RNF6: variants seen among roughly 807,000 people sequenced by gnomAD.
RNF6 encodes the protein E3 ubiquitin-protein ligase RNF6.
A neutral mutation model predicts 50.1 loss-of-function variants in RNF6; 21 were observed. That is an observed-to-expected ratio of 0.42 (90% CI 0.30 to 0.60). The LOEUF (loss-of-function observed/expected upper bound fraction) is 0.60. Ranked by LOEUF, RNF6 falls within the 20% of genes least tolerant of loss-of-function variation. The probability of loss-of-function intolerance (pLI) is 0.20; values close to 1 mark genes in which losing one functional copy is unlikely to be tolerated. For synonymous variants in RNF6, 255 were observed against 291.8 expected (o/e 0.87, Z 1.29); for missense variants, 698 against 838.2 (o/e 0.83, Z 2.07).
At chr13:26,187,777 G>T (rs1386773860) in intron 5 of RNF6, among the ~76,000 whole-genome samples, 2 of 152,174 alleles carry the variant, frequency 1.3e-5, no homozygotes, top group African/African-American at 4.8e-5. Flanking sequence ...AGGATGGAGT[G>T]CAGTGGTGCA....
chr13:26,153,622 G>T (rs1053027924), intron 5 of RNF6, among the ~76,000 whole-genome samples: 17 of 152,138 alleles, frequency 1.1e-4, no homozygotes, highest in African/African-American at 4.1e-4. Flanking sequence ...AAATTGCAGG[G>T]TTCATAACAG....
chr13:26,196,876 A>G (rs926366509), intron 5 of RNF6, among the ~76,000 whole-genome samples: 2 of 151,992 alleles, frequency 1.3e-5, no homozygotes. Context: ...GAAAACAAAA[A>G]CTAGCATTAT....
chr13:26,178,591 CGTGTGTGTGTGTGT>C (rs3981342), intron 5 of RNF6, among the ~76,000 whole-genome samples: 6,690 of 100,292 alleles, frequency 0.067, 201 homozygotes, highest in Non-Finnish European at 0.086. Context: ...CTGCCTGGTC[CGTGTGTGTGTGTGT>C]GTGTGTGTGT....
intron 4 of RNF6, among the ~76,000 whole-genome samples, chr13:26,216,223 T>C (rs966949640): frequency 1.3e-4 from 20 of 152,220 alleles, no homozygotes; most frequent in Non-Finnish European, 2.8e-4. Flanking sequence ...GTCTATAAAC[T>C]GGAGTTAATA....
intron 5 of RNF6, among the ~76,000 whole-genome samples, chr13:26,170,056 C>G (rs1872622108): frequency 6.6e-6 from 1 of 151,996 alleles, no homozygotes; most frequent in South Asian, 2.1e-4. Flanking sequence ...TTTTTGATGA[C>G]AAATAGAGGT....
At chr13:26,196,478 G>A (rs777806487) in intron 5 of RNF6, among the ~76,000 whole-genome samples, 7 of 151,802 alleles carry the variant, frequency 4.6e-5, no homozygotes, top group East Asian at 1.9e-4. Context: ...TGGTGAAACC[G>A]AGTCTCTACT....
At chr13:26,178,882 A>C (rs1369736284) in intron 5 of RNF6, among the ~76,000 whole-genome samples, 1 of 152,072 alleles carries the variant, frequency 6.6e-6, no homozygotes, top group Non-Finnish European at 1.5e-5. Flanking sequence ...GAGATCATGC[A>C]GTGTTTGTTT....
At chr13:26,202,742 G>C (rs1868943692) in intron 5 of RNF6, among the ~76,000 whole-genome samples, 1 of 152,164 alleles carries the variant, frequency 6.6e-6, no homozygotes. Context: ...AAAATAGTAT[G>C]GTACATTTAG....
At chr13:26,156,947 A>G (rs1404906036) in intron 5 of RNF6, among the ~76,000 whole-genome samples, 1 of 152,218 alleles carries the variant, frequency 6.6e-6, no homozygotes, top group Non-Finnish European at 1.5e-5. Flanking sequence ...ATTAAAAAAT[A>G]AATTAAGCTG....
At chr13:26,215,860 A>G (rs1320860969) in intron 4 of RNF6, among the ~76,000 whole-genome samples, 1 of 152,246 alleles carries the variant, frequency 6.6e-6, no homozygotes, top group Non-Finnish European at 1.5e-5. Context: ...CTTACTTTCT[A>G]TCTGCCCATT....
At chr13:26,135,731 A>C (rs1040599279) in intron 5 of RNF6, 7 of 152,200 alleles carry the variant, frequency 4.6e-5, no homozygotes, top group African/African-American at 7.2e-5. Flanking sequence ...TGTGACCACC[A>C]ATGTTGGTGG....
intron 5 of RNF6, among the ~76,000 whole-genome samples, chr13:26,153,741 T>G (rs1281091059): frequency 2.6e-5 from 4 of 152,162 alleles, no homozygotes; most frequent in Non-Finnish European, 5.9e-5. Flanking sequence ...TTAAATTTTT[T>G]ATTTCAAAAT....
intron 5 of RNF6, among the ~76,000 whole-genome samples, chr13:26,169,971 A>G (rs970664225): frequency 2.0e-5 from 3 of 152,212 alleles, no homozygotes; most frequent in African/African-American, 7.2e-5. Context: ...TGCAATTTAC[A>G]CTTTGACATC....
intron 2 of RNF6, among the ~76,000 whole-genome samples, chr13:26,220,017 C>G (rs1870313446): frequency 6.6e-6 from 1 of 152,150 alleles, no homozygotes; most frequent in Non-Finnish European, 1.5e-5. Context: ...GATCTGGGTA[C>G]TTCACATTAA....
At chr13:26,153,651 A>C (rs1422050060) in intron 5 of RNF6, among the ~76,000 whole-genome samples, 2 of 152,248 alleles carry the variant, frequency 1.3e-5, no homozygotes, top group Non-Finnish European at 2.9e-5. Context: ...TTGAACAAAC[A>C]GGAATAAACC....
At chr13:26,211,864 A>G (rs180804254), downstream of RNF6, among the ~76,000 whole-genome samples, 10 of 152,306 alleles carry the variant, frequency 6.6e-5, no homozygotes, top group Admixed American at 5.2e-4. Context: ...GCTATGTTCA[A>G]GATGTTTAAA....
intron 5 of RNF6, among the ~76,000 whole-genome samples, chr13:26,164,300 G>A (rs1352865712): frequency 2.6e-5 from 4 of 152,036 alleles, no homozygotes; most frequent in Non-Finnish European, 5.9e-5. Context: ...ATTTGATATA[G>A]GCTAGAGCCA....
intron 5 of RNF6, among the ~76,000 whole-genome samples, chr13:26,177,578 A>G (rs1873021389): frequency 6.6e-6 from 1 of 152,196 alleles, no homozygotes; most frequent in South Asian, 2.1e-4. Flanking sequence ...CTGACAGTAT[A>G]TGCCCAAAAC....
chr13:26,164,185 T>C (rs1160935423), intron 5 of RNF6, among the ~76,000 whole-genome samples: 1 of 152,234 alleles, frequency 6.6e-6, no homozygotes, highest in African/African-American at 2.4e-5. Context: ...CTGGGACTTA[T>C]TACAGTCCCT....
Sources: gnomAD v4.1 joint callset for allele counts (sites outside exome capture counted in the v4.1 genomes callset) on GRCh38, gnomAD v4.1.1 for gene constraint, MANE v1.5 for transcripts, NCBI Gene and HGNC (gene_info 2026-07-23, HGNC 2026-07-21) for gene names.